Variants in SLC17A3 observed in about 807,000 individuals in gnomAD.
SLC17A3 encodes solute carrier family 17 member 3.
In SLC17A3, 61 loss-of-function variants were observed where a neutral mutation model predicts 60.3. The ratio of observed to expected loss-of-function variants is 1.01; its 90% CI spans 0.82 to 1.25. The LOEUF (loss-of-function observed/expected upper bound fraction) is 1.25. SLC17A3 is among the 50% of genes most tolerant of loss of function. The probability of loss-of-function intolerance (pLI) is 0.00; values close to 1 mark genes in which losing one functional copy is unlikely to be tolerated. For synonymous variants in SLC17A3, 192 were observed against 208.9 expected, an observed-to-expected ratio of 0.92 and a Z score of 0.70; for missense variants, 624 against 594.9, an observed-to-expected ratio of 1.05 and a Z score of -0.51.
chr6:25,845,344 A>G, intron 12 of SLC17A3, 36 bp downstream of exon 12: 1 of 1,612,716 alleles, frequency 6.2e-7, no homozygotes. Context: ...AGCTGCTTCT[A>G]TGGCTATAAC....
chr6:25,854,164 A>G (rs1368966761), intron 6 of SLC17A3, among the ~76,000 whole-genome samples: 1 of 152,200 alleles, frequency 6.6e-6, no homozygotes, highest in Non-Finnish European at 1.5e-5. Flanking sequence ...ACTTGAAAAT[A>G]AGTACTCTAC....
chr6:25,849,703 C>T, intron 10 of SLC17A3, 102 bp downstream of exon 10: 1 of 1,356,108 alleles, frequency 7.4e-7, no homozygotes, highest in Non-Finnish European at 1.1e-6. Flanking sequence ...TGTGGTTCTT[C>T]CCCTATGGTT....
chr6:25,852,844 T>C (rs1451991795), intron 6 of SLC17A3, among the ~76,000 whole-genome samples: 1 of 152,244 alleles, frequency 6.6e-6, no homozygotes, highest in East Asian at 1.9e-4. Flanking sequence ...TTTTTCTCCT[T>C]TTCTTCATGT....
At chr6:25,860,742 G>A (rs147082225) in intron 5 of SLC17A3, among the ~76,000 whole-genome samples, 64 of 152,308 alleles carry the variant, frequency 4.2e-4, no homozygotes, top group African/African-American at 1.3e-3. Flanking sequence ...TACTCAGAAA[G>A]GGAGTTGCTA....
At chr6:25,852,448 G>A (rs1257955293) in intron 6 of SLC17A3, among the ~76,000 whole-genome samples, 2 of 151,858 alleles carry the variant, frequency 1.3e-5, no homozygotes, top group Non-Finnish European at 2.9e-5. Context: ...TGTTGTTTTT[G>A]TTCTCCCATC....
chr6:25,869,872 C>G (rs1765612990), intron 1 of SLC17A3, among the ~76,000 whole-genome samples: 1 of 152,016 alleles, frequency 6.6e-6, no homozygotes, highest in Non-Finnish European at 1.5e-5. Context: ...TATGTACTCA[C>G]TTTTCTCCTG....
intron 11 of SLC17A3, among the ~76,000 whole-genome samples, chr6:25,847,789 T>C (rs1446619041): frequency 2.6e-5 from 4 of 152,146 alleles, no homozygotes; most frequent in African/African-American, 4.8e-5. Context: ...AGGTGATATT[T>C]GATTACATGA....
chr6:25,852,817 C>T (rs1184598504), intron 6 of SLC17A3, among the ~76,000 whole-genome samples: 1 of 152,076 alleles, frequency 6.6e-6, no homozygotes, highest in Non-Finnish European at 1.5e-5. Flanking sequence ...TTATTATTCT[C>T]TTCATTATAA....
chr6:25,858,812 C>T (rs1581526280), intron 5 of SLC17A3, among the ~76,000 whole-genome samples: 1 of 152,186 alleles, frequency 6.6e-6, no homozygotes, highest in South Asian at 2.1e-4. Flanking sequence ...ATTTAATGCT[C>T]AAATACACAC....
At chr6:25,853,935 A>G (rs1581523426) in intron 6 of SLC17A3, among the ~76,000 whole-genome samples, 2 of 152,318 alleles carry the variant, frequency 1.3e-5, no homozygotes, top group South Asian at 4.1e-4. Flanking sequence ...CAATTTGATT[A>G]AAAACTTTCC....
intron 1 of SLC17A3, among the ~76,000 whole-genome samples, chr6:25,870,416 C>T (rs184319133): frequency 6.6e-6 from 1 of 152,148 alleles, no homozygotes; most frequent in East Asian, 1.9e-4. Flanking sequence ...CTTATTCTCA[C>T]TCCCCTGCTC....
chr6:25,871,971 T>C (rs1011588695), intron 1 of SLC17A3, among the ~76,000 whole-genome samples: 1 of 151,962 alleles, frequency 6.6e-6, no homozygotes, highest in African/African-American at 2.4e-5. Context: ...TCAGAAAGAA[T>C]AGTGCACAGT....
At chr6:25,853,673 C>A (rs965472238) in intron 6 of SLC17A3, among the ~76,000 whole-genome samples, 9 of 152,080 alleles carry the variant, frequency 5.9e-5, no homozygotes, top group Middle Eastern at 3.2e-3. Flanking sequence ...CCACCTCGGC[C>A]TCCCAAAGTG....
rs534645604 is a variant in SLC17A3 at position 25,870,975 on chromosome 6, G to A, written c.-33-2555C>T. On this transcript the variant is annotated intron_variant, in intron 1 of 12. Transcript: ENST00000397060. The stretch of plus-strand genomic sequence containing the variant: ...AAATGATGTCCACATGTTTGAATAC[G>A]CCCCATGTTAGCAGCCAAGAATGGT... 7.9e-5 allele frequency among the ~76,000 whole-genome samples: 12 copies of A among 152,014 alleles called. No individual in the cohort carries two copies. The East Asian group carries it at 1.2e-3, about 15-fold the overall frequency.
intron 2 of SLC17A3, among the ~76,000 whole-genome samples, chr6:25,867,166 T>C (rs1378846971): frequency 1.3e-5 from 2 of 151,990 alleles, no homozygotes; most frequent in Non-Finnish European, 2.9e-5. Flanking sequence ...AAAATGTGTA[T>C]AGAATCCAAC....
At position 25,872,221 on chromosome 6, in the gene SLC17A3, T is replaced by C. The variant is rs939678024; in HGVS notation, c.-34+1946A>G. Among the ~76,000 whole-genome samples, 153 of 151,808 alleles carry C rather than the reference T, an allele frequency of 1.0e-3. 1 individual carries two copies. The highest frequency in any genetic ancestry group is 3.6e-3 in the African/African-American group (150 of 41,412). ...GTTTTTTACATCTCTTGTATCTATATGGTGGGAATACTGTATAAAGATGTG... is the reference window on the plus strand; with the variant it reads ...GTTTTTTACATCTCTTGTATCTATACGGTGGGAATACTGTATAAAGATGTG... On this transcript the variant is annotated intron_variant, in intron 1 of 12. Coordinates refer to ENST00000397060, the MANE Select transcript of SLC17A3 (RefSeq NM_001098486.2).
intron 10 of SLC17A3, 58 bp from the exon 11 acceptor site, chr6:25,849,522 G>T (rs1488664057): frequency 9.8e-7 from 1 of 1,020,266 alleles, no homozygotes; most frequent in Non-Finnish European, 1.6e-6. Context: ...GTATCCTTCA[G>T]CCCTGATCCA....
intron 5 of SLC17A3, among the ~76,000 whole-genome samples, chr6:25,856,441 G>A (rs935527005): frequency 3.3e-5 from 5 of 152,152 alleles, no homozygotes; most frequent in Admixed American, 2.0e-4. Context: ...ATCTTGCTGT[G>A]TTGCCCAGGC....
At chr6:25,868,887 C>A (rs1765584326) in intron 1 of SLC17A3, among the ~76,000 whole-genome samples, 1 of 151,900 alleles carries the variant, frequency 6.6e-6, no homozygotes, top group Non-Finnish European at 1.5e-5. Context: ...CTGGAGCTAC[C>A]ATAGCAGTGG....
Sources: gnomAD v4.1 joint callset for allele counts (sites outside exome capture counted in the v4.1 genomes callset) on GRCh38, gnomAD v4.1.1 for gene constraint, MANE v1.5 for transcripts, NCBI Gene and HGNC (gene_info 2026-07-23, HGNC 2026-07-21) for gene names.